The following TSEN2 variants were observed in gnomAD, a reference collection of about 807,000 sequenced individuals.
TSEN2 encodes tRNA splicing endonuclease subunit 2.
In TSEN2, 54 loss-of-function variants were observed where a neutral mutation model predicts 59.2. That is an observed-to-expected ratio of 0.91 (90% confidence interval 0.73 to 1.14). The LOEUF (loss-of-function observed/expected upper bound fraction) is 1.14. Among genes scored for constraint, TSEN2 ranks in the 50% most tolerant of loss-of-function variants. TSEN2 has a pLI of 0.00. For synonymous variants in TSEN2, 195 were observed against 198.2 expected (o/e 0.98, Z 0.14); for missense variants, 636 against 576.2 (o/e 1.10, Z -1.06).
intron 10 of TSEN2, chr3:12,530,822 A>G (rs2057409565): frequency 4.3e-6 from 4 of 938,224 alleles, no homozygotes; most frequent in Non-Finnish European, 5.1e-6. Context: ...AATGTCGTAT[A>G]ACAAAACCGT....
Position 12,503,311 on chromosome 3 carries a change from C to G in TSEN2, c.358C>G (p.Gln120Glu). 1.2e-6 allele frequency: 2 copies of G among 1,614,152 alleles called. No individual in the cohort carries two copies. Among genetic ancestry groups the G allele is most frequent in the African/African-American group, 1.3e-5 (1 of 75,036 alleles). The stretch of plus-strand genomic sequence containing the variant: ...AGCAGAGCTGATGCGTAGACAGGGG[C>G]AGGATGAGAGTACAGTGCGCAGAAT... ...WAAELMRRQG[Q>E]DESTVRRILK... The change falls in exon 5 of 12, where the codon CAG becomes GAG. Residue 120 changes from glutamine (Q) to glutamate (E), a missense_variant. By Grantham distance (29) the Gln-to-Glu change is conservative. Coordinates refer to ENST00000284995, the MANE Select transcript of TSEN2 (RefSeq NM_025265.4).
At chr3:12,493,764 CTAAA>C (rs937718776) in intron 3 of TSEN2, among the ~76,000 whole-genome samples, 18 of 152,082 alleles carry the variant, frequency 1.2e-4, no homozygotes, top group African/African-American at 3.6e-4. Flanking sequence ...GACTCCATTT[CTAAA>C]TAAATAAATA....
At chr3:12,488,055 CAT>C (rs1188997751) in intron 1 of TSEN2, among the ~76,000 whole-genome samples, 1 of 152,196 alleles carries the variant, frequency 6.6e-6, no homozygotes, top group Non-Finnish European at 1.5e-5. Flanking sequence ...TCTGTGTCCT[CAT>C]ATAATTCCTC....
Position 12,503,394 on chromosome 3 carries a change from T to C in TSEN2, c.441T>C (p.Ala147=). The change falls in exon 5 of 12, where the codon GCT becomes GCC. Residue 147 remains alanine (A), a synonymous_variant. Transcript: ENST00000284995. ...EHPPVKRNEE[A]QVHDKLNSGM... ...CTCCTGTGAAAAGGAATGAAGAGGC[T>C]CAAGTGCATGACAAGCTTAACTCTG... 6.2e-7 allele frequency: 1 copy of C among 1,614,142 alleles called. No homozygotes were observed. The highest frequency in any genetic ancestry group is 1.1e-5 in the South Asian group (1 of 91,086).
rs979321218 is a variant in TSEN2 at position 12,516,810 on chromosome 3, G to A, written c.960+149G>A. 25 of 829,916 alleles carry A rather than the reference G, an allele frequency of 3.0e-5. No homozygotes were observed. In the African/African-American group the frequency reaches 4.1e-4, roughly 14 times the overall value. 51.4% of individuals were successfully genotyped at this position (829,916 alleles called of 1,614,324 possible). On this transcript the variant is annotated intron_variant, in intron 7 of 11. Coordinates refer to ENST00000284995, the MANE Select transcript of TSEN2 (RefSeq NM_025265.4). The stretch of plus-strand genomic sequence containing the variant: ...ATTTTTCTCTAAAGTTTTGGATTTG[G>A]GTCCTGAGGTGGGACTGTTCGAGCA...
Position 12,523,526 on chromosome 3 carries a change from C to CTTTTTTTTTTTTTTTTTTTTT in TSEN2, c.1099+4334_1099+4354dup, listed in dbSNP as rs546904336. On this transcript the variant is annotated intron_variant, in intron 8 of 11. Coordinates refer to ENST00000284995, the MANE Select transcript of TSEN2 (RefSeq NM_025265.4). The stretch of plus-strand genomic sequence containing the variant: ...CTTCTCCTCATCTTCCTCTTTGATT[C>CTTTTTTTTTTTTTTTTTTTTT]TTTTTTTTTTTTTTTTTTTTTTTTT... Among the ~76,000 whole-genome samples the CTTTTTTTTTTTTTTTTTTTTT allele has an allele frequency of 3.8e-3, 176 of 46,474 alleles. 35 individuals are homozygous for CTTTTTTTTTTTTTTTTTTTTT. The highest frequency in any genetic ancestry group is 5.0e-3 in the Non-Finnish European group (116 of 23,024). 30.5% of individuals were successfully genotyped at this position (46,474 alleles called of 152,430 possible).
downstream of TSEN2, among the ~76,000 whole-genome samples, chr3:12,538,153 C>G (rs1306769225): frequency 6.6e-6 from 1 of 152,208 alleles, no homozygotes; most frequent in African/African-American, 2.4e-5. Context: ...TGTGCTGAAA[C>G]ATGGACTAAA....
At chr3:12,494,825 A>T (rs950451929) in intron 3 of TSEN2, among the ~76,000 whole-genome samples, 1 of 152,080 alleles carries the variant, frequency 6.6e-6, no homozygotes, top group African/African-American at 2.4e-5. Flanking sequence ...AATGTATTAC[A>T]TAATTATAAA....
rs1158685560 is a variant in TSEN2 at position 12,489,835 on chromosome 3, A to C, written c.35A>C (p.Lys12Thr). The change falls in exon 2 of 12, where the codon AAA becomes ACA. Residue 12 changes from lysine (K) to threonine (T), a missense_variant. Transcript: ENST00000284995. ...AEAVFHAPKR[K>T]RRVYETYESP... is the part of the protein sequence containing the mutation. ...GCAGTTTTCCATGCCCCAAAGAGGA[A>C]AAGAAGAGTGTATGAGACTTACGAG... 1.2e-6 allele frequency: 2 copies of C among 1,613,904 alleles called. No homozygotes were observed. The highest frequency in any genetic ancestry group is 1.7e-6 in the Non-Finnish European group (2 of 1,180,040).
intron 2 of TSEN2, 39 bp from the exon 3 acceptor site, chr3:12,492,097 C>T: frequency 6.4e-7 from 1 of 1,566,692 alleles, no homozygotes; most frequent in East Asian, 2.2e-5. Context: ...AAACTGGTAA[C>T]TAAGCATGAA....
At chr3:12,539,560 T>G (rs2057762338) in exon 11 of TSEN2, 1 of 162,870 alleles carries the variant, frequency 6.1e-6, no homozygotes, top group Non-Finnish European at 1.4e-5. Flanking sequence ...GTGAATTTGT[T>G]CAGCTCACAT....
At chr3:12,500,837 A>G (rs2054214874) in intron 4 of TSEN2, among the ~76,000 whole-genome samples, 1 of 152,122 alleles carries the variant, frequency 6.6e-6, no homozygotes, top group African/African-American at 2.4e-5. Context: ...ATTGGAACCC[A>G]CGTCTGCTTT....
At chr3:12,512,289 C>A (rs2055555069) in intron 6 of TSEN2, among the ~76,000 whole-genome samples, 1 of 152,156 alleles carries the variant, frequency 6.6e-6, no homozygotes, top group Non-Finnish European at 1.5e-5. Flanking sequence ...GACTTCAATG[C>A]AATGTTTTTT....
At chr3:12,507,647 G>A (rs549340667) in intron 6 of TSEN2, among the ~76,000 whole-genome samples, 2 of 152,292 alleles carry the variant, frequency 1.3e-5, no homozygotes, top group African/African-American at 2.4e-5. Flanking sequence ...AAGTGCTACC[G>A]ATACTGAAAT....
chr3:12,501,313 C>T (rs973652672), intron 4 of TSEN2, among the ~76,000 whole-genome samples: 1 of 152,164 alleles, frequency 6.6e-6, no homozygotes, highest in African/African-American at 2.4e-5. Flanking sequence ...TTTGCATTGC[C>T]ACACAGTTAT....
At chr3:12,526,325 C>A (rs1465042809) in intron 8 of TSEN2, among the ~76,000 whole-genome samples, 1 of 152,166 alleles carries the variant, frequency 6.6e-6, no homozygotes, top group African/African-American at 2.4e-5. Flanking sequence ...ATTCATAAGT[C>A]CCCTATACAG....
intron 11 of TSEN2, among the ~76,000 whole-genome samples, chr3:12,532,258 T>C (rs80075018): frequency 2.0e-3 from 299 of 152,320 alleles, no homozygotes; most frequent in African/African-American, 6.7e-3. Context: ...CTTCAGTTGG[T>C]CCCACTTATC....
In TSEN2 at chr3:12,489,898, C is replaced by T; in HGVS notation, c.98C>T (p.Pro33Leu). The change falls in exon 2 of 12, where the codon CCT becomes CTT. Residue 33 changes from proline to leucine, a missense_variant. Coordinates refer to ENST00000284995, the MANE Select transcript of TSEN2 (RefSeq NM_025265.4). ...ATCCCTTTTGGTCAGGACCATGGTC[C>T]TCTGAAAGAATTCAAGATATTCCGT... ...LPIPFGQDHG[P>L]LKEFKIFRAE... 1 of 1,614,110 alleles carries T rather than the reference C, an allele frequency of 6.2e-7. No homozygotes were observed. Among genetic ancestry groups the T allele is most frequent in the Non-Finnish European group, 8.5e-7 (1 of 1,180,010 alleles).
intron 1 of TSEN2, among the ~76,000 whole-genome samples, chr3:12,487,553 G>GTTA (rs59508474): frequency 0.065 from 9,889 of 152,178 alleles, 701 homozygotes; most frequent in African/African-American, 0.17. Flanking sequence ...CTGAGCAGAG[G>GTTA]TTATAAAAGT....
Sources: gnomAD v4.1 joint callset for allele counts (sites outside exome capture counted in the v4.1 genomes callset) on GRCh38, gnomAD v4.1.1 for gene constraint, MANE v1.5 for transcripts, NCBI Gene and HGNC (gene_info 2026-07-23, HGNC 2026-07-21) for gene names.